Variants in RAB3IP observed in about 807,000 individuals in gnomAD.
RAB3IP encodes the protein rab-3A-interacting protein.
In RAB3IP, 36 loss-of-function variants were observed where a neutral mutation model predicts 59.1. That is an observed-to-expected ratio of 0.61 (90% CI 0.47 to 0.80). The LOEUF (loss-of-function observed/expected upper bound fraction) is 0.80. RAB3IP is among the 30% of genes least tolerant of loss of function. The probability of loss-of-function intolerance (pLI) is 0.00; values close to 1 mark genes in which losing one functional copy is unlikely to be tolerated. For missense variants in RAB3IP, 511 were observed against 536.0 expected (o/e 0.95, Z 0.46); for synonymous variants, 207 against 191.2 (o/e 1.08, Z -0.68).
chr12:69,800,174 A>C, intron 6 of RAB3IP, 35 bp from the exon 7 acceptor site: 1 of 1,471,568 alleles, frequency 6.8e-7, no homozygotes, highest in Non-Finnish European at 9.0e-7. Context: ...TATACGTTTT[A>C]AAACATGTTT....
At chr12:69,786,769 G>A (rs1162327363) in intron 4 of RAB3IP, among the ~76,000 whole-genome samples, 1 of 148,970 alleles carries the variant, frequency 6.7e-6, no homozygotes, top group Non-Finnish European at 1.5e-5. Context: ...TAAGTAGCAG[G>A]ATGTGAAGGG....
chr12:69,763,107 C>CAT (rs1400286520), intron 3 of RAB3IP, among the ~76,000 whole-genome samples: 4 of 152,144 alleles, frequency 2.6e-5, no homozygotes, highest in South Asian at 4.2e-4. Flanking sequence ...GTCTTTTTTA[C>CAT]ATTATTAGCT....
At chr12:69,787,662 G>A (rs1056904264) in intron 4 of RAB3IP, among the ~76,000 whole-genome samples, 1 of 152,056 alleles carries the variant, frequency 6.6e-6, no homozygotes, top group Non-Finnish European at 1.5e-5. Flanking sequence ...GTCTTTTGAT[G>A]CTACCTCCAG....
intron 1 of RAB3IP, among the ~76,000 whole-genome samples, chr12:69,740,893 A>G (rs1394559859): frequency 1.3e-5 from 2 of 152,196 alleles, no homozygotes; most frequent in African/African-American, 4.8e-5. Context: ...TTCCTCCTCA[A>G]CAGGAGTCAG....
chr12:69,767,678 A>AC (rs1233349799), intron 3 of RAB3IP, among the ~76,000 whole-genome samples: 3 of 150,204 alleles, frequency 2.0e-5, no homozygotes, highest in Non-Finnish European at 4.5e-5. Flanking sequence ...AGCAGAGAGG[A>AC]CCCCCCTATA....
intron 4 of RAB3IP, among the ~76,000 whole-genome samples, chr12:69,788,748 A>C (rs1876131929): frequency 6.6e-6 from 1 of 152,154 alleles, no homozygotes; most frequent in African/African-American, 2.4e-5. Flanking sequence ...ACAGCAAAAG[A>C]ATATACATTC....
rs74576070 is a variant in RAB3IP at position 69,796,413 on chromosome 12, C to T, written c.888+1069C>T. The T allele has an allele frequency of 6.3e-3, 2,287 of 362,506 alleles. 39 individuals are homozygous for T. The highest frequency in any genetic ancestry group is 0.038 in the African/African-American group (1,840 of 47,954). 22.5% of individuals were successfully genotyped at this position (362,506 alleles called of 1,614,324 possible). ...AGTAAAAATTTTTAATCATTGTATA[C>T]TGTGAGAATGCATTTCTAAGAGGAT... On this transcript the variant is annotated intron_variant, in intron 6 of 10. Coordinates refer to ENST00000247833, the MANE Select transcript of RAB3IP (RefSeq NM_022456.5).
chr12:69,811,630 A>G (rs1013048912), intron 8 of RAB3IP, among the ~76,000 whole-genome samples: 8 of 152,204 alleles, frequency 5.3e-5, no homozygotes, highest in African/African-American at 1.7e-4. Flanking sequence ...TGTATCTTCT[A>G]TCCTCCCCAA....
intron 1 of RAB3IP, chr12:69,739,954 C>T (rs575577434): frequency 6.9e-6 from 9 of 1,306,948 alleles, no homozygotes; most frequent in Non-Finnish European, 9.9e-6. Flanking sequence ...GTTGCCTGTT[C>T]GGAGGCTACC....
In RAB3IP at chr12:69,755,609, C is replaced by T. The variant is rs1472702832; in HGVS notation, c.201C>T (p.Pro67=). Residue 67 remains proline, a synonymous_variant, in exon 2 of 11, where the codon CCC becomes CCT. Transcript: ENST00000247833. ...ALDVSELPTQ[P]VYSSPRRLNC... ...ATGTTTCTGAACTTCCTACACAACC[C>T]GTGTATTCATCCCCCAGACGTTTAA... The T allele has an allele frequency of 1.2e-5, 20 of 1,613,648 alleles. 1 individual carries two copies. The highest frequency in any genetic ancestry group is 1.7e-5 in the Admixed American group (1 of 59,984).
At chr12:69,796,813 C>G (rs1057115000) in intron 6 of RAB3IP, among the ~76,000 whole-genome samples, 2 of 152,114 alleles carry the variant, frequency 1.3e-5, no homozygotes, top group African/African-American at 4.8e-5. Context: ...TTTGGTGTTT[C>G]TTACTCAGTA....
chr12:69,770,529 C>T (rs899569681), intron 3 of RAB3IP, among the ~76,000 whole-genome samples: 21 of 152,144 alleles, frequency 1.4e-4, no homozygotes, highest in African/African-American at 4.8e-4. Flanking sequence ...ATGGAACCTG[C>T]TGATGCAGAA....
intron 8 of RAB3IP, among the ~76,000 whole-genome samples, chr12:69,810,031 A>G (rs1298324217): frequency 1.3e-5 from 2 of 151,920 alleles, no homozygotes; most frequent in African/African-American, 2.4e-5. Flanking sequence ...TTGTGGTTTT[A>G]TCTACCTTTG....
At chr12:69,767,549 A>C (rs1007897336) in intron 3 of RAB3IP, among the ~76,000 whole-genome samples, 1 of 152,234 alleles carries the variant, frequency 6.6e-6, no homozygotes, top group Non-Finnish European at 1.5e-5. Context: ...AAGTGTGCCT[A>C]GGCATGGAGC....
At chr12:69,751,671 A>G (rs1869324648) in intron 1 of RAB3IP, among the ~76,000 whole-genome samples, 1 of 152,184 alleles carries the variant, frequency 6.6e-6, no homozygotes, top group African/African-American at 2.4e-5. Flanking sequence ...TACTACTGTT[A>G]TTAACATTGA....
chr12:69,756,686 C>T (rs1870286724), intron 3 of RAB3IP, 23 bp downstream of exon 3: 11 of 1,589,848 alleles, frequency 6.9e-6, no homozygotes, highest in Non-Finnish European at 9.4e-6. Flanking sequence ...ATATTTTATT[C>T]TTCCATATAT....
chr12:69,742,311 G>C (rs1433640416), intron 1 of RAB3IP, among the ~76,000 whole-genome samples: 4 of 152,068 alleles, frequency 2.6e-5, no homozygotes, highest in South Asian at 2.1e-4. Context: ...TGGTTACTAC[G>C]CATTTGATAT....
rs1281646217 is a variant in RAB3IP, at chr12:69,820,925, GAAAT to G, written c.*5482_*5485del. The G allele has an allele frequency of 7.0e-6, 1 of 142,732 alleles. No individual in the cohort carries two copies. The highest frequency in any genetic ancestry group is 1.5e-5 in the Non-Finnish European group (1 of 65,576). The allele number at this position is 142,732 out of a possible 1,614,324, so 8.8% of individuals were successfully genotyped here. ...TTTCATAGTGGTAGTTGTTAACAGA[GAAAT>G]AACAATGAAAGCTTTAAAAAACTCC... On this transcript the variant is annotated 3_prime_UTR_variant, in exon 11 of 11. Coordinates refer to ENST00000247833, the MANE Select transcript of RAB3IP (RefSeq NM_022456.5).
intron 1 of RAB3IP, among the ~76,000 whole-genome samples, chr12:69,746,335 G>A (rs1868347522): frequency 6.6e-6 from 1 of 152,118 alleles, no homozygotes; most frequent in South Asian, 2.1e-4. Context: ...CTGCTTTTCT[G>A]TTACTGTCTC....
Sources: gnomAD v4.1 joint callset for allele counts (sites outside exome capture counted in the v4.1 genomes callset) on GRCh38, gnomAD v4.1.1 for gene constraint, MANE v1.5 for transcripts, NCBI Gene and HGNC (gene_info 2026-07-23, HGNC 2026-07-21) for gene names.